The following PTDSS1 variants were observed in gnomAD, a reference collection of about 807,000 sequenced individuals.
PTDSS1 encodes the protein phosphatidylserine synthase 1.
Under a neutral mutation model 70.5 loss-of-function variants are expected in PTDSS1, and 45 were observed. That is an observed-to-expected ratio of 0.64 (90% confidence interval 0.50 to 0.82). The LOEUF (loss-of-function observed/expected upper bound fraction) is 0.82, where lower values mean the gene tolerates loss of function less well. Among genes scored for constraint, PTDSS1 ranks in the 40% least tolerant of loss-of-function variants. The probability of loss-of-function intolerance (pLI) is 0.00; values close to 1 mark genes in which losing one functional copy is unlikely to be tolerated. For synonymous variants in PTDSS1, 188 were observed against 203.8 expected (o/e 0.92, Z 0.66); for missense variants, 417 against 586.1 (o/e 0.71, Z 2.98).
At chr8:96,309,265 G>T in intron 8 of PTDSS1, 1 of 121,758 alleles carries the variant, frequency 8.2e-6, no homozygotes, top group Non-Finnish European at 1.5e-5. Flanking sequence ...AAGGAACAAA[G>T]AAATCTGTAA....
At chr8:96,283,768 A>C (rs1810779987) in intron 2 of PTDSS1, 1 of 230,598 alleles carries the variant, frequency 4.3e-6, no homozygotes, top group Non-Finnish European at 8.4e-6. Context: ...GTTAAGGTAC[A>C]ATATGCATCA....
chr8:96,289,686 T>G (rs576059471), intron 4 of PTDSS1, among the ~76,000 whole-genome samples: 4 of 152,336 alleles, frequency 2.6e-5, no homozygotes, highest in African/African-American at 9.6e-5. Flanking sequence ...TGGGTTTGCT[T>G]TGACAAACAA....
intron 10 of PTDSS1, among the ~76,000 whole-genome samples, chr8:96,327,320 G>T (rs951935610): frequency 6.6e-6 from 1 of 152,108 alleles, no homozygotes; most frequent in Non-Finnish European, 1.5e-5. Context: ...CGATGAGCAG[G>T]ATTTTGAAGA....
intron 9 of PTDSS1, among the ~76,000 whole-genome samples, chr8:96,317,057 A>ATATGTGTGTG (rs1554585719): frequency 1.3e-5 from 2 of 148,418 alleles, no homozygotes; most frequent in African/African-American, 5.0e-5. Context: ...GTATATATAT[A>ATATGTGTGTG]TGTGTGTGTG....
chr8:96,295,288 C>A (rs1256936991), intron 5 of PTDSS1, 32 bp downstream of exon 5: 3 of 1,595,664 alleles, frequency 1.9e-6, no homozygotes, highest in Non-Finnish European at 2.6e-6. Context: ...GTTCCCCAGA[C>A]TGTGCCATGT....
chr8:96,287,192 C>G, intron 4 of PTDSS1, 46 bp downstream of exon 4: 1 of 1,603,154 alleles, frequency 6.2e-7, no homozygotes, highest in Non-Finnish European at 8.5e-7. Context: ...TAGACTCTTT[C>G]TTGGGTGTAA....
intron 8 of PTDSS1, among the ~76,000 whole-genome samples, chr8:96,309,053 T>C (rs1161079978): frequency 2.0e-5 from 3 of 152,256 alleles, no homozygotes; most frequent in Non-Finnish European, 1.5e-5. Flanking sequence ...AGACAACCAA[T>C]GGACAGTACT....
chr8:96,277,379 T>C (rs1343318872), intron 2 of PTDSS1, among the ~76,000 whole-genome samples: 1 of 152,212 alleles, frequency 6.6e-6, no homozygotes, highest in Non-Finnish European at 1.5e-5. Context: ...CCTCCCCTAT[T>C]AGAGCCCTCT....
chr8:96,262,019 C>G lies in PTDSS1; in HGVS notation c.-22C>G, dbSNP rs1050765069. ...TCTCGGGCTGGGGCCGCCGCCACCG[C>G]GGCAGGACGGGGAGGCGGGCCATGG... On this transcript the variant is annotated 5_prime_UTR_variant, in exon 1 of 13. Coordinates refer to ENST00000517309, the MANE Select transcript of PTDSS1 (RefSeq NM_014754.3). This position sits in a 1 kb window ranked among gnomAD's most constrained non-coding sequence, Gnocchi z 4.4. 6.2e-7 allele frequency: 1 copy of G among 1,604,808 alleles called. No homozygotes were observed. The highest frequency in any genetic ancestry group is 8.5e-7 in the Non-Finnish European group (1 of 1,175,128).
At chr8:96,268,453 A>G (rs572104280) in intron 1 of PTDSS1, among the ~76,000 whole-genome samples, 93 of 152,256 alleles carry the variant, frequency 6.1e-4, no homozygotes, top group Non-Finnish European at 1.0e-3. Context: ...ATCATAATAA[A>G]GGTTAGATAT....
intron 12 of PTDSS1, among the ~76,000 whole-genome samples, chr8:96,333,078 C>T (rs1811540343): frequency 6.6e-6 from 1 of 152,120 alleles, no homozygotes; most frequent in South Asian, 2.1e-4. Flanking sequence ...GATGGAAACC[C>T]TTGGTTGCAG....
intron 9 of PTDSS1, among the ~76,000 whole-genome samples, chr8:96,316,439 G>A (rs990738470): frequency 1.3e-5 from 2 of 152,166 alleles, no homozygotes; most frequent in Admixed American, 1.3e-4. Flanking sequence ...GCAGCTGGAG[G>A]CCATAATCCT....
chr8:96,331,202 C>T (rs921980223), intron 12 of PTDSS1, 107 bp downstream of exon 12: 2 of 1,061,666 alleles, frequency 1.9e-6, no homozygotes, highest in Non-Finnish European at 2.8e-6. Flanking sequence ...GGTCTCAGGC[C>T]TACCCATTGA....
At chr8:96,267,131 T>C (rs959141045) in intron 1 of PTDSS1, among the ~76,000 whole-genome samples, 1 of 152,248 alleles carries the variant, frequency 6.6e-6, no homozygotes, top group Non-Finnish European at 1.5e-5. Context: ...ACAATTTATC[T>C]TGTGACATAA....
chr8:96,262,273 G>T lies in PTDSS1; in HGVS notation c.179+54G>T. The T allele has an allele frequency of 2.2e-6, 3 of 1,344,978 alleles. No homozygotes were observed. The highest frequency in any genetic ancestry group is 3.1e-6 in the Non-Finnish European group (3 of 963,718). The allele number at this position is 1,344,978 out of a possible 1,614,324, so 83.3% of individuals were successfully genotyped here. On this transcript the variant is annotated intron_variant, in intron 1 of 12. Coordinates refer to ENST00000517309, the MANE Select transcript of PTDSS1 (RefSeq NM_014754.3). This position sits in a 1 kb window ranked among gnomAD's most constrained non-coding sequence, Gnocchi z 4.4. ...CGTCCAAGGGCTAGGGAAGAGGCGG[G>T]AGGGAGGGTGGCGGGGAGGGGGGCC...
At chr8:96,306,627 G>A in intron 8 of PTDSS1, 71 bp downstream of exon 8, 1 of 1,203,970 alleles carries the variant, frequency 8.3e-7, no homozygotes, top group Non-Finnish European at 1.2e-6. Context: ...TTAGCATAAG[G>A]AAAGTCATAT....
Position 96,295,226 on chromosome 8 carries a change from G to A in PTDSS1, c.570G>A (p.Trp190Ter). 6.2e-7 allele frequency: 1 copy of A among 1,614,122 alleles called. No individual in the cohort carries two copies. The highest frequency in any genetic ancestry group is 8.5e-7 in the Non-Finnish European group (1 of 1,180,000). The part of the protein sequence containing the change: ...ALLIRSYGLC[W>*]TISITWELTE... ...TGATCCGTAGTTACGGTCTCTGCTG[G>A]ACAATCAGTATTACCTGGGAGCTGA... Residue 190 changes from tryptophan (W) to a stop codon, truncating the protein, a stop_gained, in exon 5 of 13, where the codon TGG (tryptophan) becomes TGA (stop). Coordinates refer to ENST00000517309, the MANE Select transcript of PTDSS1 (RefSeq NM_014754.3). LOFTEE classifies it high-confidence loss of function.
chr8:96,330,638 T>C (rs912988321), intron 11 of PTDSS1: 5 of 370,510 alleles, frequency 1.3e-5, no homozygotes, highest in Non-Finnish European at 2.5e-5. Context: ...TGTTCCGGCC[T>C]GTGGCTCTTC....
chr8:96,287,150 T>C lies in PTDSS1; in HGVS notation c.441+4T>C, dbSNP rs1212594934. 1.9e-6 allele frequency: 3 copies of C among 1,613,884 alleles called. No homozygotes were observed. Among genetic ancestry groups the C allele is most frequent in the Non-Finnish European group, 2.5e-6 (3 of 1,179,904 alleles). The stretch of plus-strand genomic sequence containing the variant: ...CACAAGGGAAGCAGATGTCATGGTA[T>C]GTACTTGTCAGTGGCCTCTTGGAGA... On this transcript the variant is annotated splice_donor_region_variant and intron_variant, in intron 4 of 12. Coordinates refer to ENST00000517309, the MANE Select transcript of PTDSS1 (RefSeq NM_014754.3).
Sources: gnomAD v4.1 joint callset for allele counts (sites outside exome capture counted in the v4.1 genomes callset) on GRCh38, gnomAD v4.1.1 for gene constraint, Gnocchi (gnomAD v3.1) non-coding constraint, MANE v1.5 for transcripts, NCBI Gene and HGNC (gene_info 2026-07-23, HGNC 2026-07-21) for gene names.